Variants in CAPN1 observed in about 807,000 individuals in gnomAD.
CAPN1 encodes the protein calpain-1 catalytic subunit.
CAPN1 carries 77 observed loss-of-function variants against 105.2 expected under a neutral mutation model. The ratio of observed to expected loss-of-function variants is 0.73; its 90% CI spans 0.61 to 0.88. The LOEUF (loss-of-function observed/expected upper bound fraction) is 0.88. Among genes scored for constraint, CAPN1 ranks in the 40% least tolerant of loss-of-function variants. The pLI, the probability that CAPN1 is intolerant of heterozygous loss-of-function variation, is 0.00. For synonymous variants in CAPN1, 355 were observed against 388.8 expected, an observed-to-expected ratio of 0.91 and a Z score of 1.02; for missense variants, 833 against 976.6, an observed-to-expected ratio of 0.85 and a Z score of 1.96.
Position 65,211,443 on chromosome 11 carries a change from C to A in CAPN1, c.*157C>A, listed in dbSNP as rs1011926492. 8.5e-6 allele frequency: 6 copies of A among 702,604 alleles called. No individual in the cohort carries two copies. The highest frequency in any genetic ancestry group is 1.7e-5 in the African/African-American group (1 of 57,466). 43.5% of individuals were successfully genotyped at this position (702,604 alleles called of 1,614,324 possible). A position where few individuals can be genotyped will look rare whatever the true frequency, so the allele number is the denominator to read the frequency against. ...TGTCCCCTCTCCTCCCAGCCACCATCGTTCATCTGCTCCGGGCAGAACTGT... is the reference window on the plus strand; with the variant it reads ...TGTCCCCTCTCCTCCCAGCCACCATAGTTCATCTGCTCCGGGCAGAACTGT... On this transcript the variant is annotated 3_prime_UTR_variant, in exon 22 of 22. Coordinates refer to ENST00000279247, the MANE Select transcript of CAPN1 (RefSeq NM_005186.4).
chr11:65,186,446 C>A, intron 6 of CAPN1, 108 bp downstream of exon 6: 1 of 996,712 alleles, frequency 1.0e-6, no homozygotes, highest in Non-Finnish European at 1.4e-6. Context: ...CTGTCCTGCA[C>A]TTAAGCTTCA....
chr11:65,208,132 C>G lies in CAPN1; in HGVS notation c.1671+12C>G. ...AGCTGGCAGGGGAGGTAGGTTGGGG[C>G]ATGGCAGGTTGGGAGGGGCCTGTGA... On this transcript the variant is annotated intron_variant, in intron 15 of 21. Coordinates refer to ENST00000279247, the MANE Select transcript of CAPN1 (RefSeq NM_005186.4). The surrounding 1 kb of genome is among the most constrained non-coding windows in gnomAD (Gnocchi z 4.1). 6.2e-7 allele frequency: 1 copy of G among 1,605,866 alleles called. No individual in the cohort carries two copies. The highest frequency in any genetic ancestry group is 1.1e-5 in the South Asian group (1 of 89,394).
intron 10 of CAPN1, among the ~76,000 whole-genome samples, chr11:65,201,770 G>A (rs1237554188): frequency 6.6e-6 from 1 of 151,056 alleles, no homozygotes; most frequent in Non-Finnish European, 1.5e-5. Context: ...CGCCCGTCTC[G>A]GCCTCCCAAA....
In CAPN1 at chr11:65,209,511, C is replaced by A; in HGVS notation, c.1794+124C>A. 2.4e-6 allele frequency: 2 copies of A among 831,642 alleles called. No individual in the cohort carries two copies. Among genetic ancestry groups the A allele is most frequent in the Non-Finnish European group, 4.0e-6 (2 of 498,058 alleles). 51.5% of individuals were successfully genotyped at this position (831,642 alleles called of 1,614,324 possible). ...CCATGCGGAGTGTGGACACACAGTG[C>A]CCCATGCTCAGATGTCTCCCTGGAC... On this transcript the variant is annotated intron_variant, in intron 17 of 21. Coordinates refer to ENST00000279247, the MANE Select transcript of CAPN1 (RefSeq NM_005186.4). This position sits in a 1 kb window ranked among gnomAD's most constrained non-coding sequence, Gnocchi z 4.1.
At chr11:65,202,008 A>G (rs1218940840) in intron 10 of CAPN1, among the ~76,000 whole-genome samples, 1 of 151,154 alleles carries the variant, frequency 6.6e-6, no homozygotes, top group Non-Finnish European at 1.5e-5. Flanking sequence ...TTTTTTCAGT[A>G]GAGAATGGGT....
chr11:65,185,932 G>A lies in CAPN1; in HGVS notation c.472G>A (p.Glu158Lys). Residue 158 changes from glutamate (E) to lysine (K), a missense_variant, in exon 5 of 22, where the codon GAG becomes AAG. By Grantham distance (56) the Glu-to-Lys change is moderately conservative (BLOSUM62 1). Coordinates refer to ENST00000279247, the MANE Select transcript of CAPN1 (RefSeq NM_005186.4). ...IFHFQLWQFG[E>K]WVDVVVDDLL... ...TCCCCCACAGCTGTGGCAATTTGGG[G>A]AGTGGGTGGACGTGGTCGTGGATGA... The A allele has an allele frequency of 6.3e-7, 1 of 1,585,708 alleles. No individual in the cohort carries two copies. The highest frequency in any genetic ancestry group is 8.6e-7 in the Non-Finnish European group (1 of 1,165,910).
intron 10 of CAPN1, among the ~76,000 whole-genome samples, chr11:65,202,901 C>T (rs1948892032): frequency 6.6e-6 from 1 of 152,168 alleles, no homozygotes; most frequent in East Asian, 1.9e-4. Flanking sequence ...CCAGCCCTCC[C>T]AGCAGCCCTG....
chr11:65,182,875 T>G lies in CAPN1; in HGVS notation c.174T>G (p.Asp58Glu), dbSNP rs759639895. Reference protein sequence around the residue: ...RCLQSGTLFRDEAFPPVPQSL... With the variant: ...RCLQSGTLFREEAFPPVPQSL... ...TGCAGAGTGGGACCCTCTTCCGTGA[T>G]GAGGCCTTCCCCCCGGTACCCCAGA... Residue 58 changes from aspartate to glutamate, a missense_variant, in exon 2 of 22, where the codon GAT (aspartate) becomes GAG (glutamate). Coordinates refer to ENST00000279247, the MANE Select transcript of CAPN1 (RefSeq NM_005186.4). The G allele has an allele frequency of 2.5e-6, 4 of 1,603,626 alleles. No individual in the cohort carries two copies. The East Asian group carries it at 6.8e-5, about 27-fold the overall frequency.
chr11:65,200,101 G>A (rs1948845995), intron 10 of CAPN1, among the ~76,000 whole-genome samples: 1 of 152,132 alleles, frequency 6.6e-6, no homozygotes, highest in Non-Finnish European at 1.5e-5. Context: ...TCCGGCTGGA[G>A]TGCAATGGCA....
chr11:65,190,235 C>T (rs1948699482), intron 10 of CAPN1, among the ~76,000 whole-genome samples: 1 of 152,156 alleles, frequency 6.6e-6, no homozygotes, highest in Non-Finnish European at 1.5e-5. Context: ...TACCATACTC[C>T]CTATTTCCTT....
intron 7 of CAPN1, 75 bp downstream of exon 7, chr11:65,187,373 A>T: frequency 3.0e-6 from 3 of 1,007,608 alleles, no homozygotes; most frequent in Non-Finnish European, 4.6e-6. Flanking sequence ...CTGGCACCTG[A>T]CCAGGGCTGT....
At position 65,183,194 on chromosome 11, in the gene CAPN1, C is replaced by T; in HGVS notation, c.334C>T (p.Leu112=). ...CCGCACAGACATCTGCCAGGGAGCA[C>T]TGGGTAGGCCCCCAGGGCGTCGGGT... ...ATRTDICQGA[L]GDCWLLAAIA... is the part of the protein sequence containing the mutation. The change falls in exon 3 of 22, where the codon CTG becomes TTG. Residue 112 remains leucine (L), a synonymous_variant. Transcript: ENST00000279247. The T allele has an allele frequency of 6.2e-7, 1 of 1,613,910 alleles. No homozygotes were observed.
In CAPN1 at chr11:65,210,142, GC is replaced by G. The variant is rs775787197; in HGVS notation, c.1942+50del. 14 of 1,491,764 alleles carry G rather than the reference GC, an allele frequency of 9.4e-6. No individual in the cohort carries two copies. Among genetic ancestry groups the G allele is most frequent in the Non-Finnish European group, 1.3e-5 (14 of 1,070,564 alleles). The allele number at this position is 1,491,764 out of a possible 1,614,324, so 92.4% of individuals were successfully genotyped here. A position where few individuals can be genotyped will look rare whatever the true frequency, so the allele number is the denominator to read the frequency against. ...GCACCTGTGGGGCCCAGGACAGGTA[GC>G]CCCACTGCTCCTATGCCCCAGGCCC... On this transcript the variant is annotated intron_variant, in intron 19 of 21. Transcript: ENST00000279247. The surrounding 1 kb of genome is among the most constrained non-coding windows in gnomAD (Gnocchi z 4.3).
chr11:65,204,956 G>C lies in CAPN1; in HGVS notation c.1341+98G>C, dbSNP rs893050317. 3.0e-6 allele frequency: 3 copies of C among 992,020 alleles called. No individual in the cohort carries two copies. In the African/African-American group the frequency reaches 4.8e-5, roughly 16 times the overall value. 61.5% of individuals were successfully genotyped at this position (992,020 alleles called of 1,614,324 possible). On this transcript the variant is annotated intron_variant, in intron 11 of 21. Coordinates refer to ENST00000279247, the MANE Select transcript of CAPN1 (RefSeq NM_005186.4). Reference sequence around the variant, plus strand: ...GCGGGCTTCCACCAGGGGGCGCCAGGGACCATGCCCTTCCCCACAAATTCC... The same window carrying C: ...GCGGGCTTCCACCAGGGGGCGCCAGCGACCATGCCCTTCCCCACAAATTCC...
At chr11:65,183,047 GTGGGGAA>G (rs1474171711) in intron 2 of CAPN1, 74 bp from the exon 3 acceptor site, 6 of 1,605,014 alleles carry the variant, frequency 3.7e-6, no homozygotes, top group Non-Finnish European at 5.1e-6. Context: ...CATGTCCCTG[GTGGGGAA>G]TGGGGTCTGG....
Position 65,207,969 on chromosome 11 carries a change from T to C in CAPN1, c.1606-86T>C, listed in dbSNP as rs550111688. 7.9e-6 allele frequency: 7 copies of C among 885,126 alleles called. No homozygotes were observed. The East Asian group carries it at 1.6e-4, about 20-fold the overall frequency. The allele number at this position is 885,126 out of a possible 1,614,324, so 54.8% of individuals were successfully genotyped here. ...GAGAAGCGAAGTGACTTGTAGCAGA[T>C]ATGTGACCTCAGCCCTCCCTCCAGC... On this transcript the variant is annotated intron_variant, in intron 14 of 21. Transcript: ENST00000279247.
In CAPN1 at chr11:65,208,419, A is replaced by T; in HGVS notation, c.1729+157A>T. ...CCCAGTTCCCTGCCATTTCCATCCC[A>T]TACTCCTCCTCCTGACCTGCCATCC... On this transcript the variant is annotated intron_variant, in intron 16 of 21. Coordinates refer to ENST00000279247, the MANE Select transcript of CAPN1 (RefSeq NM_005186.4). This position sits in a 1 kb window ranked among gnomAD's most constrained non-coding sequence, Gnocchi z 4.1. 1.4e-6 allele frequency: 1 copy of T among 706,490 alleles called. No individual in the cohort carries two copies. The highest frequency in any genetic ancestry group is 2.5e-6 in the Non-Finnish European group (1 of 403,288). 43.8% of individuals were successfully genotyped at this position (706,490 alleles called of 1,614,324 possible).
intron 10 of CAPN1, among the ~76,000 whole-genome samples, chr11:65,197,935 C>T (rs1182431628): frequency 1.4e-5 from 2 of 144,514 alleles, no homozygotes; most frequent in Non-Finnish European, 3.0e-5. Context: ...TGTCCTTTGA[C>T]TAGAGAGTTT....
chr11:65,199,934 T>G (rs1948843324), intron 10 of CAPN1, among the ~76,000 whole-genome samples: 1 of 152,220 alleles, frequency 6.6e-6, no homozygotes, highest in African/African-American at 2.4e-5. Context: ...CCTTGTTTGC[T>G]TGTGAGATCT....
Sources: allele counts gnomAD v4.1 joint callset (sites outside exome capture counted in the v4.1 genomes callset), GRCh38; gene constraint gnomAD v4.1.1; non-coding constraint Gnocchi (gnomAD v3.1); transcripts MANE v1.5; gene names NCBI Gene and HGNC (gene_info 2026-07-23, HGNC 2026-07-21).